Variants in FADS2 observed in about 807,000 individuals in gnomAD.
FADS2 encodes the protein acyl-CoA 6-desaturase.
FADS2 carries 18 observed loss-of-function variants against 61.2 expected under a neutral mutation model. The ratio of observed to expected loss-of-function variants is 0.29; its 90% CI spans 0.20 to 0.44. FADS2 has a LOEUF of 0.44. Among genes scored for constraint, FADS2 ranks in the 20% least tolerant of loss-of-function variants. The pLI is 1.00. For missense variants in FADS2, 322 were observed against 572.7 expected (o/e 0.56, Z 4.47); for synonymous variants, 203 against 223.9 (o/e 0.91, Z 0.83).
chr11:61,820,179 A>C (rs898730599), intron 1 of FADS2, among the ~76,000 whole-genome samples: 1 of 152,124 alleles, frequency 6.6e-6, no homozygotes, highest in African/African-American at 2.4e-5. Context: ...TACCACTTGT[A>C]AGATAATTCC....
In FADS2 at chr11:61,838,307, CT is replaced by C. The variant is rs138930263; in HGVS notation, c.318+420del. Among the ~76,000 whole-genome samples, 933 of 152,284 alleles carry C rather than the reference CT, an allele frequency of 6.1e-3. 14 individuals carry two copies. Among genetic ancestry groups the C allele is most frequent in the African/African-American group, 0.021 (867 of 41,544 alleles). On this transcript the variant is annotated intron_variant, in intron 2 of 11. Coordinates refer to ENST00000278840, the MANE Select transcript of FADS2 (RefSeq NM_004265.4). ...CATTGTCTGCAGGTCAGACGCCCCC[CT>C]GGGTGCTGGGCTTCCAGGACAGCCA...
At chr11:61,859,653 C>A (rs891860825) in intron 7 of FADS2, among the ~76,000 whole-genome samples, 1 of 152,196 alleles carries the variant, frequency 6.6e-6, no homozygotes, top group African/African-American at 2.4e-5. Flanking sequence ...ACATGTTACA[C>A]CCTCTCCTTG....
rs2135953421 is a variant in FADS2 at position 61,828,665 on chromosome 11, G to C, written c.207+68G>C. 3 of 1,455,706 alleles carry C rather than the reference G, an allele frequency of 2.1e-6. No homozygotes were observed. Among genetic ancestry groups the C allele is most frequent in the Non-Finnish European group, 2.8e-6 (3 of 1,062,286 alleles). 90.2% of individuals were successfully genotyped at this position (1,455,706 alleles called of 1,614,324 possible). A position where few individuals can be genotyped will look rare whatever the true frequency, so the allele number is the denominator to read the frequency against. On this transcript the variant is annotated intron_variant, in intron 1 of 11. Coordinates refer to ENST00000278840, the MANE Select transcript of FADS2 (RefSeq NM_004265.4). This position sits in a 1 kb window ranked among gnomAD's most constrained non-coding sequence, Gnocchi z 6.4. Reference sequence around the variant, plus strand: ...GCGGAGTCAGGATCCCTGGCTCCCCGTGGGCCAAACAGACCTCCGGCGCTG... The same window carrying C: ...GCGGAGTCAGGATCCCTGGCTCCCCCTGGGCCAAACAGACCTCCGGCGCTG...
intron 1 of FADS2, among the ~76,000 whole-genome samples, chr11:61,836,093 G>C (rs566182335): frequency 2.6e-5 from 4 of 152,176 alleles, no homozygotes; most frequent in Admixed American, 2.6e-4. Context: ...ATGTTGTTTT[G>C]TTTGTTTGTT....
chr11:61,856,914 G>A (rs753449097), intron 5 of FADS2, 97 bp from the exon 6 acceptor site: 3 of 978,826 alleles, frequency 3.1e-6, no homozygotes, highest in Non-Finnish European at 3.3e-6. Context: ...TGTGCCCTGA[G>A]CAGATAGAAG....
intron 7 of FADS2, among the ~76,000 whole-genome samples, chr11:61,861,365 A>AAAAAAAAAAAC (rs1555078418): frequency 2.3e-5 from 3 of 130,790 alleles, no homozygotes; most frequent in African/African-American, 8.9e-5. Flanking sequence ...AAAAAAAAAA[A>AAAAAAAAAAAC]AAAAAACAGA....
chr11:61,865,589 G>A lies in FADS2; in HGVS notation c.1284-49G>A, dbSNP rs377090980. 53 of 1,568,384 alleles carry A rather than the reference G, an allele frequency of 3.4e-5. No individual in the cohort carries two copies. The highest frequency in any genetic ancestry group is 7.9e-6 in the Non-Finnish European group (9 of 1,141,764). On this transcript the variant is annotated intron_variant, in intron 11 of 11. Transcript: ENST00000278840. The surrounding 1 kb of genome is among the most constrained non-coding windows in gnomAD (Gnocchi z 4.1). ...CCTCCTCAGCCCTTGCACTCCCTGG[G>A]GCCACTCCCGTCCTGGTCCCTGACC...
At chr11:61,834,981 G>GC (rs200730508) in intron 1 of FADS2, among the ~76,000 whole-genome samples, 84 of 107,814 alleles carry the variant, frequency 7.8e-4, no homozygotes, top group African/African-American at 1.9e-3. Context: ...CTCCCTGCCT[G>GC]CCCCCCCACC....
At chr11:61,852,713 AT>A (rs1379245972) in intron 5 of FADS2, among the ~76,000 whole-genome samples, 1 of 151,952 alleles carries the variant, frequency 6.6e-6, no homozygotes, top group Non-Finnish European at 1.5e-5. Flanking sequence ...TTTTTTCTAA[AT>A]TTTTGTTTGC....
rs944505483 is a variant in FADS2, at chr11:61,867,150, C to G, written c.*1461C>G. On this transcript the variant is annotated 3_prime_UTR_variant, in exon 12 of 12. Transcript: ENST00000278840. ...TCAGAATGGGGGCTTTCGGGGAGGG[C>G]GCCTAGTCCCCCCAGCTCTAAGCAG... 1 of 152,156 alleles carries G rather than the reference C, an allele frequency of 6.6e-6. No individual in the cohort carries two copies. The highest frequency in any genetic ancestry group is 1.5e-5 in the Non-Finnish European group (1 of 68,062). The allele number at this position is 152,156 out of a possible 1,614,324, so 9.4% of individuals were successfully genotyped here. A position where few individuals can be genotyped will look rare whatever the true frequency, so the allele number is the denominator to read the frequency against.
chr11:61,845,681 T>G lies in FADS2; in HGVS notation c.619-2478T>G, dbSNP rs553607093. Among the ~76,000 whole-genome samples the G allele has an allele frequency of 1.3e-3, 191 of 151,196 alleles. No individual in the cohort carries two copies. The Middle Eastern group carries it at 0.014, about 11-fold the overall frequency. On this transcript the variant is annotated intron_variant, in intron 4 of 11. Coordinates refer to ENST00000278840, the MANE Select transcript of FADS2 (RefSeq NM_004265.4). ...GGTGGCGGGCGCCTATAATCTCAGC[T>G]ACTCGGAAGGCTGAGGTAGGAGAAC...
intron 4 of FADS2, among the ~76,000 whole-genome samples, chr11:61,844,275 G>A (rs546133934): frequency 1.3e-4 from 20 of 152,228 alleles, no homozygotes; most frequent in East Asian, 7.7e-4. Flanking sequence ...AGTTAAGACC[G>A]GGCGAGGTGG....
Position 61,863,046 on chromosome 11 carries a change from C to T in FADS2, c.957C>T (p.Ala319=), listed in dbSNP as rs368486724. The T allele has an allele frequency of 2.9e-5, 47 of 1,614,094 alleles. No individual in the cohort carries two copies. In the East Asian group the frequency reaches 7.6e-4, roughly 26 times the overall value. ...TCCCTTTCTACGGCATCCTGGGAGC[C>T]CTCCTTTTCCTCAACTTCATCAGGT... is the stretch of plus-strand genomic sequence containing the variant. ...TYIPFYGILG[A]LLFLNFIRFL... Residue 319 remains alanine, a synonymous_variant, in exon 8 of 12, where the codon GCC becomes GCT. Coordinates refer to ENST00000278840, the MANE Select transcript of FADS2 (RefSeq NM_004265.4).
chr11:61,836,830 T>G (rs1047175514), intron 1 of FADS2, among the ~76,000 whole-genome samples: 1 of 152,272 alleles, frequency 6.6e-6, no homozygotes, highest in African/African-American at 2.4e-5. Flanking sequence ...TACCAATGTC[T>G]GGAAGCTTGA....
chr11:61,852,829 G>C (rs953542709), intron 5 of FADS2, among the ~76,000 whole-genome samples: 4 of 151,946 alleles, frequency 2.6e-5, no homozygotes, highest in African/African-American at 9.7e-5. Flanking sequence ...GAGTTTCCTG[G>C]GTAGATGATC....
At chr11:61,846,131 C>CTTTTTT (rs550169322) in intron 4 of FADS2, among the ~76,000 whole-genome samples, 5 of 130,456 alleles carry the variant, frequency 3.8e-5, no homozygotes, top group East Asian at 2.3e-4. Flanking sequence ...TCTTTCTTTT[C>CTTTTTT]TTTTTTTTTT....
At chr11:61,823,587 G>A (rs12807005), upstream of FADS2, among the ~76,000 whole-genome samples, 1,618 of 152,262 alleles carry the variant, frequency 0.011, 15 homozygotes, top group Non-Finnish European at 0.016. Flanking sequence ...CACGATCATG[G>A]ATCACTGAAG....
upstream of FADS2, chr11:61,828,207 G>C (rs1478120599): frequency 2.8e-6 from 4 of 1,428,856 alleles, no homozygotes; most frequent in Non-Finnish European, 3.6e-6. The surrounding 1 kb of genome is among the most constrained non-coding windows in gnomAD (Gnocchi z 6.4). Flanking sequence ...AGGAAGGCAG[G>C]GACACTCCCG....
At chr11:61,828,292 G>T, upstream of FADS2, 1 of 1,488,264 alleles carries the variant, frequency 6.7e-7, no homozygotes, top group Non-Finnish European at 8.9e-7. This position sits in a 1 kb window ranked among gnomAD's most constrained non-coding sequence, Gnocchi z 6.4. Flanking sequence ...AGCGAAGAGG[G>T]CCCGGGCTGC....
Sources: gnomAD v4.1 joint callset for allele counts (sites outside exome capture counted in the v4.1 genomes callset) on GRCh38, gnomAD v4.1.1 for gene constraint, Gnocchi (gnomAD v3.1) non-coding constraint, MANE v1.5 for transcripts, NCBI Gene and HGNC (gene_info 2026-07-23, HGNC 2026-07-21) for gene names.